Variants in GALNT1 observed in about 807,000 individuals in gnomAD.
GALNT1 encodes polypeptide N-acetylgalactosaminyltransferase 1.
Under a neutral mutation model 65.7 loss-of-function variants are expected in GALNT1, and 17 were observed. The observed-to-expected ratio is 0.26, with a 90% CI of 0.18 to 0.39. The LOEUF is 0.39. GALNT1 is among the 10% of genes least tolerant of loss of function. The probability of loss-of-function intolerance (pLI) is 1.00; values close to 1 mark genes in which losing one functional copy is unlikely to be tolerated. For synonymous variants in GALNT1, 210 were observed against 219.7 expected, an observed-to-expected ratio of 0.96 and a Z score of 0.39; for missense variants, 460 against 672.8, an observed-to-expected ratio of 0.68 and a Z score of 3.50.
chr18:35,631,612 C>T (rs940664295), intron 1 of GALNT1, among the ~76,000 whole-genome samples: 1 of 152,100 alleles, frequency 6.6e-6, no homozygotes, highest in African/African-American at 2.4e-5. Context: ...ACTGAATGGG[C>T]AAAAACTGGA....
chr18:35,629,651 G>A (rs986748468), intron 1 of GALNT1, among the ~76,000 whole-genome samples: 1 of 149,710 alleles, frequency 6.7e-6, no homozygotes, highest in African/African-American at 2.5e-5. Flanking sequence ...GGAAGAAACT[G>A]CATCAACTAA....
chr18:35,591,637 A>G (rs1356365471), intron 1 of GALNT1: 1 of 154,276 alleles, frequency 6.5e-6, no homozygotes, highest in African/African-American at 2.4e-5. Context: ...TTTGAATACC[A>G]ACAAAAAGAG....
intron 11 of GALNT1, among the ~76,000 whole-genome samples, chr18:35,706,760 C>T (rs1447481125): frequency 1.3e-5 from 2 of 152,158 alleles, no homozygotes; most frequent in African/African-American, 4.8e-5. Context: ...GCAGGTCCAA[C>T]AGCCTGAGCA....
chr18:35,693,721 T>TA (rs2144676699), intron 9 of GALNT1, among the ~76,000 whole-genome samples: 1 of 152,332 alleles, frequency 6.6e-6, no homozygotes, highest in Non-Finnish European at 1.5e-5. Flanking sequence ...CAAGTGAAGA[T>TA]ATGAATAGGT....
chr18:35,679,476 T>C (rs1409135159), intron 4 of GALNT1, among the ~76,000 whole-genome samples: 1 of 152,112 alleles, frequency 6.6e-6, no homozygotes, highest in African/African-American at 2.4e-5. Flanking sequence ...AGTTCTCTCT[T>C]TCCTTTCCCT....
At chr18:35,701,202 A>G (rs115987595) in intron 9 of GALNT1, among the ~76,000 whole-genome samples, 1,958 of 152,096 alleles carry the variant, frequency 0.013, 46 homozygotes, top group African/African-American at 0.045. Context: ...CTCCCGAATA[A>G]CTGGGACTAC....
chr18:35,639,112 G>C (rs1441359132), intron 1 of GALNT1, among the ~76,000 whole-genome samples: 1 of 152,224 alleles, frequency 6.6e-6, no homozygotes, highest in Admixed American at 6.5e-5. Context: ...GGGTTTGAGA[G>C]GATTGGCTTC....
chr18:35,658,016 C>T (rs1283447895), intron 2 of GALNT1, among the ~76,000 whole-genome samples: 2 of 152,140 alleles, frequency 1.3e-5, no homozygotes, highest in East Asian at 1.9e-4. Flanking sequence ...AAGGATTCTC[C>T]TCAAAGAGCA....
At chr18:35,689,054 G>C in intron 6 of GALNT1, 119 bp from the exon 7 acceptor site, 1 of 718,312 alleles carries the variant, frequency 1.4e-6, no homozygotes, top group South Asian at 1.6e-5. Flanking sequence ...AGTTTATGAA[G>C]AGTGTGAGAA....
At chr18:35,582,395 T>C (rs773628110) in intron 1 of GALNT1, among the ~76,000 whole-genome samples, 5 of 152,160 alleles carry the variant, frequency 3.3e-5, no homozygotes, top group Non-Finnish European at 7.4e-5. Context: ...ATGAATGAGA[T>C]GTCATTTACT....
At chr18:35,659,066 A>C (rs1416180790) in intron 2 of GALNT1, among the ~76,000 whole-genome samples, 4 of 152,152 alleles carry the variant, frequency 2.6e-5, no homozygotes, top group Non-Finnish European at 4.4e-5. Flanking sequence ...TTTAAAACAA[A>C]CAACCAAAAC....
chr18:35,696,165 C>A (rs2048053699), intron 9 of GALNT1, among the ~76,000 whole-genome samples: 1 of 152,176 alleles, frequency 6.6e-6, no homozygotes, highest in South Asian at 2.1e-4. Context: ...CCACATCCTA[C>A]AGGTTAAAAG....
rs561254742 is a variant in GALNT1 at position 35,681,214 on chromosome 18, A to T, written c.482-2177A>T. Among the ~76,000 whole-genome samples the T allele has an allele frequency of 3.9e-5, 6 of 152,300 alleles. No individual in the cohort carries two copies. In the South Asian group the frequency reaches 1.2e-3, roughly 32 times the overall value. ...GGGATCCATTTATAGGCCAATAGTT[A>T]TAAAGGTGTCCTAAGAAGATTCTCC... On this transcript the variant is annotated intron_variant, in intron 4 of 11. Coordinates refer to ENST00000269195, the MANE Select transcript of GALNT1 (RefSeq NM_020474.4).
In GALNT1 at chr18:35,616,514, G is replaced by A. The variant is rs145762842; in HGVS notation, c.-104+34652G>A. Among the ~76,000 whole-genome samples, 444 of 152,238 alleles carry A rather than the reference G, an allele frequency of 2.9e-3. 5 individuals are homozygous for A. Among genetic ancestry groups the A allele is most frequent in the African/African-American group, 0.01 (421 of 41,540 alleles). ...TAGCTGTTATTGCTTTGGACACTGG[G>A]TGTTTTTTTTATCTGACCTGCATTG... is the stretch of plus-strand genomic sequence containing the variant. On this transcript the variant is annotated intron_variant, in intron 1 of 11. Transcript: ENST00000269195.
At chr18:35,622,111 A>T (rs956731034) in intron 1 of GALNT1, among the ~76,000 whole-genome samples, 1 of 152,322 alleles carries the variant, frequency 6.6e-6, no homozygotes, top group East Asian at 1.9e-4. Context: ...TGAGATTTTG[A>T]TTGGAACTAT....
Position 35,703,569 on chromosome 18 carries a change from A to AAACTT in GALNT1, c.1462_1466dup (p.Gly490LeufsTer13). 6.2e-7 allele frequency: 1 copy of AAACTT among 1,614,064 alleles called. No individual in the cohort carries two copies. Among genetic ancestry groups the AAACTT allele is most frequent in the Non-Finnish European group, 8.5e-7 (1 of 1,179,962 alleles). On this transcript the variant is annotated frameshift_variant, in exon 11 of 12. Coordinates refer to ENST00000269195, the MANE Select transcript of GALNT1 (RefSeq NM_020474.4). LOFTEE classifies it high-confidence loss of function. ...AGATGACCTTTGCTTGGATGTTTCCAAACTTAATGGCCCAGTTACAATGCT... is the reference window on the plus strand; with the variant it reads ...AGATGACCTTTGCTTGGATGTTTCCAAACTTAACTTAATGGCCCAGTTACAATGCT...
At chr18:35,689,645 A>G (rs2047924795) in intron 7 of GALNT1, among the ~76,000 whole-genome samples, 1 of 145,406 alleles carries the variant, frequency 6.9e-6, no homozygotes, top group Non-Finnish European at 1.5e-5. Flanking sequence ...TTAAACATAA[A>G]TTTCACATTT....
intron 1 of GALNT1, among the ~76,000 whole-genome samples, chr18:35,598,787 G>GT (rs770925773): frequency 2.8e-4 from 43 of 152,152 alleles, no homozygotes; most frequent in Admixed American, 7.9e-4. Flanking sequence ...TCTGTTTTTA[G>GT]TTTTTTAGGA....
At chr18:35,594,396 G>A (rs2046480430) in intron 1 of GALNT1, among the ~76,000 whole-genome samples, 1 of 152,136 alleles carries the variant, frequency 6.6e-6, no homozygotes, top group Admixed American at 6.5e-5. Context: ...ATGTTGGCTG[G>A]TCTGAGGATG....
Sources: gnomAD v4.1 joint callset for allele counts (sites outside exome capture counted in the v4.1 genomes callset) on GRCh38, gnomAD v4.1.1 for gene constraint, MANE v1.5 for transcripts, NCBI Gene and HGNC (gene_info 2026-07-23, HGNC 2026-07-21) for gene names.